ADCK1: variants seen among roughly 807,000 people sequenced by gnomAD.
ADCK1 encodes aarF domain containing kinase 1.
Under a neutral mutation model 52.3 loss-of-function variants are expected in ADCK1, and 41 were observed. The ratio of observed to expected loss-of-function variants is 0.78; its 90% CI spans 0.61 to 1.02. The LOEUF (loss-of-function observed/expected upper bound fraction) is 1.02. Among genes scored for constraint, ADCK1 ranks in the 50% least tolerant of loss-of-function variants. The pLI is 0.00. For synonymous variants in ADCK1, 250 were observed against 274.6 expected (o/e 0.91, Z 0.89); for missense variants, 658 against 679.5 (o/e 0.97, Z 0.35).
intron 5 of ADCK1, among the ~76,000 whole-genome samples, chr14:77,889,886 T>A (rs1192030500): frequency 1.6e-4 from 20 of 123,188 alleles, no homozygotes; most frequent in South Asian, 5.4e-4. Flanking sequence ...TATATAGAGT[T>A]AAAAAAAAAA....
intron 1 of ADCK1, among the ~76,000 whole-genome samples, chr14:77,808,812 G>A (rs1175780704): frequency 6.6e-6 from 1 of 152,204 alleles, no homozygotes; most frequent in Non-Finnish European, 1.5e-5. Flanking sequence ...CTGACCTCAG[G>A]TGATCCACCC....
At chr14:77,823,003 C>A (rs760520104) in intron 3 of ADCK1, among the ~76,000 whole-genome samples, 1 of 152,140 alleles carries the variant, frequency 6.6e-6, no homozygotes, top group African/African-American at 2.4e-5. Flanking sequence ...TTTTGTCAGG[C>A]AAAACCCAGT....
At chr14:77,918,854 C>T (rs1223692712) in intron 7 of ADCK1, among the ~76,000 whole-genome samples, 1 of 152,136 alleles carries the variant, frequency 6.6e-6, no homozygotes, top group Non-Finnish European at 1.5e-5. Flanking sequence ...AGATCTTATC[C>T]AGTAGAGATG....
chr14:77,906,417 G>T (rs961377077), intron 6 of ADCK1, among the ~76,000 whole-genome samples: 1 of 152,190 alleles, frequency 6.6e-6, no homozygotes, highest in African/African-American at 2.4e-5. Flanking sequence ...TGGCAGCCTG[G>T]TTGCATTCTA....
chr14:77,888,483 T>G (rs867943473), intron 5 of ADCK1, among the ~76,000 whole-genome samples: 2 of 152,046 alleles, frequency 1.3e-5, no homozygotes, highest in African/African-American at 2.4e-5. Context: ...CATGATCAGA[T>G]TTGCATTAGA....
intron 4 of ADCK1, among the ~76,000 whole-genome samples, chr14:77,883,484 T>C (rs1486039007): frequency 6.6e-6 from 1 of 152,202 alleles, no homozygotes; most frequent in Non-Finnish European, 1.5e-5. Context: ...CTGAACACTT[T>C]GAATCAAGGT....
intron 4 of ADCK1, among the ~76,000 whole-genome samples, chr14:77,873,313 C>T (rs1417683002): frequency 6.6e-6 from 1 of 152,240 alleles, no homozygotes; most frequent in Non-Finnish European, 1.5e-5. Flanking sequence ...CTTCTTTATT[C>T]ATGGAGCTTC....
chr14:77,872,647 G>T, intron 4 of ADCK1, among the ~76,000 whole-genome samples: 1 of 150,900 alleles, frequency 6.6e-6, no homozygotes, highest in East Asian at 2.0e-4. Context: ...TCTTCTTGCT[G>T]TGCCGCCCCC....
chr14:77,847,840 T>G (rs531551817), intron 3 of ADCK1, among the ~76,000 whole-genome samples: 1 of 152,280 alleles, frequency 6.6e-6, no homozygotes, highest in Admixed American at 6.5e-5. Context: ...TCCCCCTGTG[T>G]GTTCATGAAT....
intron 5 of ADCK1, among the ~76,000 whole-genome samples, chr14:77,890,246 C>T (rs1286183608): frequency 6.6e-6 from 1 of 152,178 alleles, no homozygotes; most frequent in East Asian, 1.9e-4. Context: ...GCTGGAGTGG[C>T]TCATTTCCTG....
intron 3 of ADCK1, among the ~76,000 whole-genome samples, chr14:77,854,945 A>G (rs1566670263): frequency 6.6e-6 from 1 of 152,200 alleles, no homozygotes; most frequent in African/African-American, 2.4e-5. Context: ...CTGGACTACT[A>G]TTCTTCTGCC....
chr14:77,863,235 C>T (rs927880758), intron 4 of ADCK1, among the ~76,000 whole-genome samples: 6 of 151,996 alleles, frequency 3.9e-5, no homozygotes, highest in East Asian at 3.9e-4. Context: ...CTGAGATATA[C>T]GGAGTGGGGT....
intron 3 of ADCK1, among the ~76,000 whole-genome samples, chr14:77,827,530 G>A (rs1014672541): frequency 1.3e-5 from 2 of 151,852 alleles, no homozygotes; most frequent in African/African-American, 4.8e-5. Context: ...ATATACTGTG[G>A]ATTCTTGGAG....
chr14:77,875,776 G>A (rs1336037693), intron 4 of ADCK1, among the ~76,000 whole-genome samples: 1 of 152,164 alleles, frequency 6.6e-6, no homozygotes, highest in African/African-American at 2.4e-5. Context: ...TGGCCCTGGT[G>A]CTGGGAAGGA....
chr14:77,895,589 T>C (rs1020079898), intron 5 of ADCK1, among the ~76,000 whole-genome samples: 9 of 152,194 alleles, frequency 5.9e-5, no homozygotes, highest in Non-Finnish European at 2.9e-5. Context: ...TGATTGCATG[T>C]GTTGTCAAAA....
At chr14:77,815,558 G>T in intron 1 of ADCK1, among the ~76,000 whole-genome samples, 2 of 143,450 alleles carry the variant, frequency 1.4e-5, no homozygotes, top group Non-Finnish European at 3.0e-5. Context: ...CTCTTTCTGT[G>T]GCCCAGACTG....
intron 7 of ADCK1, among the ~76,000 whole-genome samples, chr14:77,915,651 A>C (rs1369431456): frequency 6.6e-6 from 1 of 152,198 alleles, no homozygotes; most frequent in Non-Finnish European, 1.5e-5. Context: ...TCAGCAAACT[A>C]TCACAAGGAC....
chr14:77,858,151 A>G (rs2082462338), intron 3 of ADCK1, among the ~76,000 whole-genome samples: 1 of 152,188 alleles, frequency 6.6e-6, no homozygotes, highest in Non-Finnish European at 1.5e-5. Flanking sequence ...CCTCCAGTTA[A>G]TAGGAGACCC....
At chr14:77,860,544 C>T (rs1445063669) in intron 4 of ADCK1, among the ~76,000 whole-genome samples, 1 of 152,184 alleles carries the variant, frequency 6.6e-6, no homozygotes, top group Non-Finnish European at 1.5e-5. Context: ...TTGGATCATA[C>T]AGCAGGTGAA....
Sources: gnomAD v4.1 joint callset for allele counts (sites outside exome capture counted in the v4.1 genomes callset) on GRCh38, gnomAD v4.1.1 for gene constraint, MANE v1.5 for transcripts, NCBI Gene and HGNC (gene_info 2026-07-23, HGNC 2026-07-21) for gene names.